Variants in TRAPPC13 observed in about 807,000 individuals in gnomAD.
TRAPPC13 encodes the protein trafficking protein particle complex subunit 13.
TRAPPC13 carries 39 observed loss-of-function variants against 54.0 expected under a neutral mutation model. The observed-to-expected ratio is 0.72, with a 90% CI of 0.56 to 0.94. The LOEUF is 0.94. Among genes scored for constraint, TRAPPC13 ranks in the 40% least tolerant of loss-of-function variants. TRAPPC13 has a pLI of 0.00. For missense variants in TRAPPC13, 386 were observed against 488.1 expected (o/e 0.79, Z 1.97); for synonymous variants, 148 against 167.7 (o/e 0.88, Z 0.91).
chr5:65,659,621 AATAC>A (rs572120444), intron 9 of TRAPPC13, among the ~76,000 whole-genome samples: 47 of 152,350 alleles, frequency 3.1e-4, no homozygotes, highest in South Asian at 2.7e-3. Context: ...GTGAAAAGGA[AATAC>A]ATACACCTTT....
At chr5:65,658,290 T>C in intron 8 of TRAPPC13, 78 bp from the exon 9 acceptor site, 1 of 1,391,530 alleles carries the variant, frequency 7.2e-7, no homozygotes, top group Non-Finnish European at 9.6e-7. Flanking sequence ...TTTTTCTTCA[T>C]ATAGATAAGA....
chr5:65,644,648 G>A (rs1203946682), intron 4 of TRAPPC13, among the ~76,000 whole-genome samples: 4 of 151,676 alleles, frequency 2.6e-5, no homozygotes, highest in African/African-American at 9.7e-5. Context: ...TTGGGAGCCC[G>A]AGGCGGCAGA....
chr5:65,654,117 T>G (rs1470149215), intron 7 of TRAPPC13, among the ~76,000 whole-genome samples: 5 of 152,288 alleles, frequency 3.3e-5, no homozygotes, highest in Middle Eastern at 3.4e-3. Flanking sequence ...CTAAGATACC[T>G]GTAAATTAGT....
Position 65,664,576 on chromosome 5 carries a change from T to G in TRAPPC13, c.1219T>G (p.Cys407Gly), listed in dbSNP as rs774620897. The change falls in exon 13 of 13, where the codon TGT becomes GGT. Residue 407 changes from cysteine (C) to glycine (G), a missense_variant. Physicochemically the swap from Cys to Gly is radical, Grantham distance 159. Transcript: ENST00000399438. Reference sequence around the variant, plus strand: ...TGAATATGATGACATCGCACAAGTCTGTGTGGTATCTTCTGCCATTAAAGT... The same window carrying G: ...TGAATATGATGACATCGCACAAGTCGGTGTGGTATCTTCTGCCATTAAAGT... Reference protein sequence around the residue: ...TYEYDDIAQVCVVSSAIKVES With the variant: ...TYEYDDIAQVGVVSSAIKVES The G allele has an allele frequency of 8.1e-6, 13 of 1,612,374 alleles. No individual in the cohort carries two copies. Among genetic ancestry groups the G allele is most frequent in the Admixed American group, 1.7e-5 (1 of 59,544 alleles).
At chr5:65,639,747 G>T (rs1293794806) in intron 4 of TRAPPC13, among the ~76,000 whole-genome samples, 3 of 152,214 alleles carry the variant, frequency 2.0e-5, no homozygotes, top group Non-Finnish European at 4.4e-5. Flanking sequence ...GGGATGCTTT[G>T]TAGAAAATGG....
At chr5:65,651,003 T>C (rs1328615895) in intron 6 of TRAPPC13, 121 bp downstream of exon 6, 2 of 714,068 alleles carry the variant, frequency 2.8e-6, no homozygotes, top group African/African-American at 1.8e-5. Context: ...CTCAATATTT[T>C]TGAATGTGTC....
chr5:65,625,072 T>C lies in TRAPPC13; in HGVS notation c.12T>C (p.Asn4=). 6.2e-7 allele frequency: 1 copy of C among 1,613,654 alleles called. No homozygotes were observed. Among genetic ancestry groups the C allele is most frequent in the African/African-American group, 1.3e-5 (1 of 74,982 alleles). MEV[N]PPKQEHLLAL... is the part of the protein sequence containing the mutation. ...AAGTGCCGGTCAAAATGGAAGTGAA[T>C]CCCCCTAAACAGGAGCACCTGCTGG... Residue 4 remains asparagine, a synonymous_variant, in exon 1 of 13, where the codon AAT becomes AAC. Transcript: ENST00000399438.
chr5:65,642,134 C>A (rs867485985), intron 4 of TRAPPC13, among the ~76,000 whole-genome samples: 3 of 152,044 alleles, frequency 2.0e-5, no homozygotes, highest in Non-Finnish European at 4.4e-5. Context: ...ACCAGCCTGG[C>A]CAACATGGTG....
At chr5:65,627,572 G>A (rs1755304817) in intron 1 of TRAPPC13, among the ~76,000 whole-genome samples, 1 of 151,376 alleles carries the variant, frequency 6.6e-6, no homozygotes, top group Non-Finnish European at 1.5e-5. Context: ...GAAGGTTGCT[G>A]TAAGCCGAGA....
intron 5 of TRAPPC13, among the ~76,000 whole-genome samples, chr5:65,649,506 A>G (rs983403240): frequency 6.6e-6 from 1 of 152,148 alleles, no homozygotes; most frequent in African/African-American, 2.4e-5. Context: ...CTTATAAAGA[A>G]TTTTTTCAAC....
At position 65,637,767 on chromosome 5, in the gene TRAPPC13, AC is replaced by A. The variant is rs753501954; in HGVS notation, c.288del (p.Asp96GlufsTer3). 6.4e-7 allele frequency: 1 copy of A among 1,561,430 alleles called. No homozygotes were observed. The highest frequency in any genetic ancestry group is 8.7e-7 in the Non-Finnish European group (1 of 1,149,378). On this transcript the variant is annotated frameshift_variant, in exon 4 of 13. Coordinates refer to ENST00000399438, the MANE Select transcript of TRAPPC13 (RefSeq NM_024941.4). LOFTEE classifies it high-confidence loss of function. ...VHNDSNQVVK[D>X]ILVKADLQTS... is the part of the protein sequence containing the mutation. ...AATGATAGCAATCAAGTTGTAAAAG[AC>A]ATATTAGTAAAAGTAAGTAACATTC... is the stretch of plus-strand genomic sequence containing the variant.
At chr5:65,632,379 G>C (rs1755581634) in intron 1 of TRAPPC13, among the ~76,000 whole-genome samples, 1 of 152,170 alleles carries the variant, frequency 6.6e-6, no homozygotes, top group African/African-American at 2.4e-5. Context: ...AAATAAGAGT[G>C]AAGGTTGGAA....
At chr5:65,661,523 A>T (rs1218484724) in intron 10 of TRAPPC13, 4 of 152,402 alleles carry the variant, frequency 2.6e-5, no homozygotes, top group African/African-American at 9.7e-5. Flanking sequence ...AATAATTTTT[A>T]AAAAATGATG....
intron 6 of TRAPPC13, among the ~76,000 whole-genome samples, chr5:65,651,924 C>T (rs560431782): frequency 1.7e-4 from 21 of 125,638 alleles, no homozygotes; most frequent in African/African-American, 6.1e-4. Flanking sequence ...AGTGCAATGA[C>T]GCGATCTCAG....
In TRAPPC13 at chr5:65,663,334, G is replaced by A. The variant is rs187407551; in HGVS notation, c.999-903G>A. On this transcript the variant is annotated intron_variant, in intron 11 of 12. Coordinates refer to ENST00000399438, the MANE Select transcript of TRAPPC13 (RefSeq NM_024941.4). ...GTCATTCCCTGCCCCTACACACCAG[G>A]GACATGCACAGACACATGCACACAA... 2.0e-5 allele frequency: 3 copies of A among 151,952 alleles called. No individual in the cohort carries two copies. In the East Asian group the frequency reaches 5.8e-4, roughly 29 times the overall value. The allele number at this position is 151,952 out of a possible 1,614,324, so 9.4% of individuals were successfully genotyped here.
chr5:65,631,945 C>T (rs2150663778), intron 1 of TRAPPC13, among the ~76,000 whole-genome samples: 1 of 151,894 alleles, frequency 6.6e-6, no homozygotes, highest in South Asian at 2.1e-4. Context: ...TCAGGATTCC[C>T]TTGAGACTGT....
At chr5:65,650,972 A>T in intron 6 of TRAPPC13, 90 bp downstream of exon 6, 1 of 937,792 alleles carries the variant, frequency 1.1e-6, no homozygotes, top group East Asian at 2.5e-5. Context: ...AGGGAAAACA[A>T]GCTCCAAATA....
intron 5 of TRAPPC13, among the ~76,000 whole-genome samples, chr5:65,650,465 AT>A (rs2150682862): frequency 6.6e-6 from 1 of 152,126 alleles, no homozygotes; most frequent in East Asian, 1.9e-4. Flanking sequence ...CCCAGCTGGA[AT>A]TTTTTTAATC....
chr5:65,650,223 G>A (rs1436548212), intron 5 of TRAPPC13, among the ~76,000 whole-genome samples: 4 of 135,388 alleles, frequency 3.0e-5, no homozygotes, highest in Non-Finnish European at 4.6e-5. Context: ...GTGCAATGGC[G>A]CAATCTCAGC....
Sources: allele counts gnomAD v4.1 joint callset (sites outside exome capture counted in the v4.1 genomes callset), GRCh38; gene constraint gnomAD v4.1.1; transcripts MANE v1.5; gene names NCBI Gene and HGNC (gene_info 2026-07-23, HGNC 2026-07-21).